The following NBEA variants were observed in gnomAD, a reference collection of about 807,000 sequenced individuals.
The protein encoded by NBEA is lysosomal-trafficking regulator 2.
NBEA carries 44 observed loss-of-function variants against 343.4 expected under a neutral mutation model. That is an observed-to-expected ratio of 0.13 (90% CI 0.10 to 0.16). The LOEUF (loss-of-function observed/expected upper bound fraction) is 0.16, where lower values mean the gene tolerates loss of function less well. Among genes scored for constraint, NBEA ranks in the 10% least tolerant of loss-of-function variants. The pLI is 1.00. For synonymous variants in NBEA, 1,175 were observed against 1,238.7 expected (o/e 0.95, Z 1.08); for missense variants, 2,555 against 3,631.3 (o/e 0.70, Z 7.62).
chr13:35,206,574 C>CT lies in NBEA; in HGVS notation c.5367-2120dup, dbSNP rs952031520. On this transcript the variant is annotated intron_variant, in intron 31 of 58. Transcript: ENST00000379939. Reference sequence around the variant, plus strand: ...ACAAACTCCAAATATTGGCAAGTTCCTTTTTTCTGTTGATTTTTATGTAGA... The same window carrying CT: ...ACAAACTCCAAATATTGGCAAGTTCCTTTTTTTCTGTTGATTTTTATGTAGA... 3.4e-4 allele frequency among the ~76,000 whole-genome samples: 52 copies of CT among 152,072 alleles called. 1 individual carries two copies. Among genetic ancestry groups the CT allele is most frequent in the African/African-American group, 9.9e-4 (41 of 41,512 alleles).
chr13:34,985,388 C>A (rs1242234161), intron 1 of NBEA, among the ~76,000 whole-genome samples: 1 of 150,932 alleles, frequency 6.6e-6, no homozygotes, highest in Non-Finnish European at 1.5e-5. Context: ...AGGGATGAAG[C>A]CGACTTGATT....
intron 34 of NBEA, among the ~76,000 whole-genome samples, chr13:35,277,682 TAGAA>T (rs2034714135): frequency 9.9e-6 from 1 of 100,542 alleles, no homozygotes; most frequent in Admixed American, 9.8e-5. Flanking sequence ...CAAAGGAGGG[TAGAA>T]AGAAAGGAGC....
chr13:34,950,698 A>C (rs2059324427), intron 1 of NBEA, among the ~76,000 whole-genome samples: 1 of 152,064 alleles, frequency 6.6e-6, no homozygotes. Flanking sequence ...ATATATTTCA[A>C]GAAAGAAGAA....
chr13:35,183,252 G>A (rs1426948594), intron 29 of NBEA, among the ~76,000 whole-genome samples: 1 of 151,942 alleles, frequency 6.6e-6, no homozygotes, highest in African/African-American at 2.4e-5. Flanking sequence ...CCTTCCAGGT[G>A]TTTATATCAA....
chr13:35,649,302 C>T (rs183889786), intron 51 of NBEA, among the ~76,000 whole-genome samples: 57 of 152,252 alleles, frequency 3.7e-4, no homozygotes, highest in African/African-American at 1.4e-3. Flanking sequence ...ACTTTCCCAC[C>T]AAACTGATTT....
chr13:35,028,825 A>G (rs1408165466), intron 1 of NBEA, among the ~76,000 whole-genome samples: 1 of 150,336 alleles, frequency 6.7e-6, no homozygotes, highest in African/African-American at 2.4e-5. Context: ...TTCTTTCTCT[A>G]TGAACTTGGC....
intron 1 of NBEA, among the ~76,000 whole-genome samples, chr13:35,010,206 G>A (rs186501582): frequency 6.6e-6 from 1 of 152,112 alleles, no homozygotes; most frequent in Admixed American, 6.6e-5. Flanking sequence ...AGGTCATTTA[G>A]GGGTGAATGT....
intron 33 of NBEA, among the ~76,000 whole-genome samples, chr13:35,211,546 G>A (rs973742859): frequency 1.3e-5 from 2 of 152,164 alleles, no homozygotes; most frequent in African/African-American, 4.8e-5. Context: ...TAGGTGTGGT[G>A]GCTCACGCCT....
At chr13:35,308,452 A>ATATATATATATATATATATATATG (rs2037064962) in intron 35 of NBEA, among the ~76,000 whole-genome samples, 3 of 117,712 alleles carry the variant, frequency 2.5e-5, no homozygotes, top group South Asian at 5.0e-4. Context: ...ATATATATAT[A>ATATATATATATATATATATATATG]TATATATATA....
intron 48 of NBEA, among the ~76,000 whole-genome samples, chr13:35,627,506 TCTTTCCC>T (rs2153065153): frequency 6.6e-6 from 1 of 152,306 alleles, no homozygotes; most frequent in Non-Finnish European, 1.5e-5. Flanking sequence ...AATTTATATT[TCTTTCCC>T]ATTAGCTAGC....
At chr13:34,981,417 A>G (rs1466360823) in intron 1 of NBEA, among the ~76,000 whole-genome samples, 1 of 152,236 alleles carries the variant, frequency 6.6e-6, no homozygotes, top group Non-Finnish European at 1.5e-5. Flanking sequence ...ATTCTGGGTC[A>G]TATGGTAAAT....
intron 41 of NBEA, among the ~76,000 whole-genome samples, chr13:35,548,224 A>G (rs939684486): frequency 2.0e-5 from 3 of 152,232 alleles, no homozygotes; most frequent in South Asian, 2.1e-4. Flanking sequence ...GAATTTGCAC[A>G]TGGAAGGCCA....
intron 35 of NBEA, among the ~76,000 whole-genome samples, chr13:35,291,014 T>A (rs2152818390): frequency 6.6e-6 from 1 of 151,930 alleles, no homozygotes; most frequent in East Asian, 1.9e-4. Flanking sequence ...TGTTGGGTAT[T>A]GTTTCTTCTT....
At chr13:35,005,216 AT>A (rs36067182) in intron 1 of NBEA, among the ~76,000 whole-genome samples, 4,557 of 145,210 alleles carry the variant, frequency 0.031, 90 homozygotes, top group African/African-American at 0.056. Context: ...CACAGGGCAG[AT>A]TTTTTTTTTT....
chr13:35,045,140 TA>T, intron 3 of NBEA, 93 bp downstream of exon 3: 1 of 1,247,502 alleles, frequency 8.0e-7, no homozygotes, highest in Non-Finnish European at 1.1e-6. Context: ...TACTTGAATT[TA>T]TAATGGAAAT....
intron 55 of NBEA, among the ~76,000 whole-genome samples, chr13:35,658,232 T>TTATGA (rs2084912993): frequency 1.3e-5 from 2 of 152,196 alleles, no homozygotes; most frequent in Non-Finnish European, 2.9e-5. Flanking sequence ...GACAAAATTA[T>TTATGA]CAATATGTAT....
chr13:35,571,646 C>G (rs780020952), intron 45 of NBEA, among the ~76,000 whole-genome samples: 1 of 152,116 alleles, frequency 6.6e-6, no homozygotes, highest in Non-Finnish European at 1.5e-5. Flanking sequence ...TGAGAGTTCA[C>G]TATCTTTGGT....
intron 2 of NBEA, 48 bp from the exon 3 acceptor site, chr13:35,044,899 A>T (rs1566203060): frequency 6.9e-7 from 1 of 1,439,118 alleles, no homozygotes; most frequent in African/African-American, 1.4e-5. Flanking sequence ...ACCTTGACAG[A>T]TGGCAGCTCA....
intron 1 of NBEA, among the ~76,000 whole-genome samples, chr13:34,968,516 G>T (rs921846064): frequency 3.2e-4 from 48 of 152,194 alleles, no homozygotes; most frequent in Admixed American, 1.3e-3. Context: ...GCCAAGAATT[G>T]GGGGCAAAGA....
Sources: allele counts gnomAD v4.1 joint callset (sites outside exome capture counted in the v4.1 genomes callset), GRCh38; gene constraint gnomAD v4.1.1; transcripts MANE v1.5; gene names NCBI Gene and HGNC (gene_info 2026-07-23, HGNC 2026-07-21).